PRKCH: variants seen among roughly 807,000 people sequenced by gnomAD.
The protein encoded by PRKCH is protein kinase C eta type.
PRKCH carries 28 observed loss-of-function variants against 82.5 expected under a neutral mutation model. The observed-to-expected ratio is 0.34, with a 90% CI of 0.25 to 0.47. PRKCH has a LOEUF of 0.47. Among genes scored for constraint, PRKCH ranks in the 20% least tolerant of loss-of-function variants. The pLI is 1.00. For missense variants in PRKCH, 705 were observed against 881.8 expected (o/e 0.80, Z 2.54); for synonymous variants, 322 against 327.4 (o/e 0.98, Z 0.18).
chr14:61,194,683 A>G (rs1190893760), intron 1 of PRKCH, among the ~76,000 whole-genome samples: 1 of 152,186 alleles, frequency 6.6e-6, no homozygotes, highest in African/African-American at 2.4e-5. Context: ...GTTGTCATAT[A>G]TTTTGTTTCT....
intron 1 of PRKCH, among the ~76,000 whole-genome samples, chr14:61,365,494 G>A (rs2046286902): frequency 6.6e-6 from 1 of 152,010 alleles, no homozygotes. Flanking sequence ...AAGTGTAGAG[G>A]GAAAATGTAT....
At chr14:61,357,593 G>A (rs1050511168) in intron 1 of PRKCH, among the ~76,000 whole-genome samples, 14 of 152,038 alleles carry the variant, frequency 9.2e-5, no homozygotes, top group African/African-American at 3.4e-4. Context: ...TTCCATTTTT[G>A]TGCTTCTCGT....
At chr14:61,236,651 G>T (rs767680592) in intron 1 of PRKCH, among the ~76,000 whole-genome samples, 1 of 141,262 alleles carries the variant, frequency 7.1e-6, no homozygotes, top group African/African-American at 2.6e-5. Flanking sequence ...AGGTTGCAGC[G>T]AGCTGAGATC....
chr14:61,260,663 TAAA>T (rs985151513), intron 1 of PRKCH, among the ~76,000 whole-genome samples: 5 of 152,098 alleles, frequency 3.3e-5, no homozygotes, highest in Admixed American at 6.5e-5. Context: ...TTTTTTTTCT[TAAA>T]AAAATGTTTG....
intron 1 of PRKCH, among the ~76,000 whole-genome samples, chr14:61,272,514 C>T (rs961031441): frequency 2.6e-5 from 4 of 151,556 alleles, no homozygotes; most frequent in East Asian, 2.0e-4. Context: ...CCACCACGGC[C>T]GGCTAGGTTT....
intron 3 of PRKCH, among the ~76,000 whole-genome samples, chr14:61,444,088 T>G (rs532154582): frequency 6.6e-6 from 1 of 152,224 alleles, no homozygotes; most frequent in Non-Finnish European, 1.5e-5. Flanking sequence ...TCAATTACTT[T>G]GTATTTTGTT....
chr14:61,235,876 G>A (rs937472349), intron 1 of PRKCH, among the ~76,000 whole-genome samples: 12 of 152,168 alleles, frequency 7.9e-5, no homozygotes, highest in African/African-American at 2.7e-4. Flanking sequence ...GCAAACAGGA[G>A]TGTAAACTAA....
intron 1 of PRKCH, chr14:61,281,274 T>G: frequency 2.1e-6 from 1 of 486,154 alleles, no homozygotes. Context: ...CTCAGGTGGG[T>G]TTTTGCCCGG....
intron 7 of PRKCH, 159 bp from the exon 8 acceptor site, chr14:61,457,017 G>C: frequency 1.4e-6 from 1 of 718,666 alleles, no homozygotes; most frequent in South Asian, 1.9e-5. Context: ...TACTGAGGGA[G>C]TTTCGAGTGG....
In PRKCH at chr14:61,529,169, A is replaced by G. The variant is rs1594788517; in HGVS notation, c.1528A>G (p.Thr510Ala). The G allele has an allele frequency of 6.2e-7, 1 of 1,613,968 alleles. No individual in the cohort carries two copies. The highest frequency in any genetic ancestry group is 8.5e-7 in the Non-Finnish European group (1 of 1,179,924). Residue 510 changes from threonine (T) to alanine (A), a missense_variant, in exon 11 of 14, where the codon ACC (threonine) becomes GCC (alanine). Coordinates refer to ENST00000332981, the MANE Select transcript of PRKCH (RefSeq NM_006255.5). ...CAAGGAGGGGATTTGCAATGGTGTC[A>G]CCACGGCCACATTCTGTGGCACGCC... ...MCKEGICNGV[T>A]TATFCGTPDY...
chr14:61,231,563 A>G (rs190929991), intron 1 of PRKCH, among the ~76,000 whole-genome samples: 6 of 152,042 alleles, frequency 3.9e-5, no homozygotes, highest in Admixed American at 2.6e-4. Context: ...TAGTAGAGAC[A>G]GGGTTTCACC....
At chr14:61,294,237 C>T (rs1450088039) in intron 1 of PRKCH, among the ~76,000 whole-genome samples, 1 of 152,042 alleles carries the variant, frequency 6.6e-6, no homozygotes, top group Non-Finnish European at 1.5e-5. Context: ...TCTCCTGCCT[C>T]AGCCTCCCGA....
At chr14:61,428,042 T>TAGATAGATAG (rs1555386067) in intron 2 of PRKCH, among the ~76,000 whole-genome samples, 3,680 of 121,806 alleles carry the variant, frequency 0.03, 78 homozygotes, top group Non-Finnish European at 0.039. Flanking sequence ...AATATATATA[T>TAGATAGATAG]ATAGATAGAT....
At chr14:61,249,054 G>A (rs1035111888) in intron 1 of PRKCH, among the ~76,000 whole-genome samples, 3 of 151,992 alleles carry the variant, frequency 2.0e-5, no homozygotes, top group Non-Finnish European at 2.9e-5. Flanking sequence ...CGCCTGCCTC[G>A]GCCTCCCAAA....
intron 10 of PRKCH, among the ~76,000 whole-genome samples, chr14:61,497,442 A>C (rs1886718943): frequency 6.6e-6 from 1 of 152,184 alleles, no homozygotes. Context: ...TCTGTTTGCT[A>C]CCACTTTTGG....
chr14:61,271,709 T>C (rs1028452896), intron 1 of PRKCH, among the ~76,000 whole-genome samples: 3 of 152,216 alleles, frequency 2.0e-5, no homozygotes, highest in African/African-American at 7.2e-5. Flanking sequence ...TACAATGTGA[T>C]AGGCAAAGCA....
intron 2 of PRKCH, among the ~76,000 whole-genome samples, chr14:61,422,220 G>T (rs967664843): frequency 4.6e-5 from 7 of 152,032 alleles, no homozygotes; most frequent in Non-Finnish European, 8.8e-5. Context: ...AGTAGCTGGG[G>T]CTATAGGCAT....
chr14:61,329,121 C>T (rs1480834767), intron 1 of PRKCH, among the ~76,000 whole-genome samples: 1 of 151,538 alleles, frequency 6.6e-6, no homozygotes, highest in Non-Finnish European at 1.5e-5. Context: ...GTTTTCCACT[C>T]TTATCATTAC....
chr14:61,474,325 T>A (rs190891686), intron 9 of PRKCH, among the ~76,000 whole-genome samples: 2 of 152,212 alleles, frequency 1.3e-5, no homozygotes, highest in African/African-American at 4.8e-5. Flanking sequence ...CATATAAACC[T>A]TTTAAGCTGT....
Sources: allele counts gnomAD v4.1 joint callset (sites outside exome capture counted in the v4.1 genomes callset), GRCh38; gene constraint gnomAD v4.1.1; transcripts MANE v1.5; gene names NCBI Gene and HGNC (gene_info 2026-07-23, HGNC 2026-07-21).